The following INO80 variants were observed in gnomAD, a reference collection of about 807,000 sequenced individuals.
INO80 encodes the protein INO80 complex ATPase subunit, also known as chromatin-remodeling ATPase INO80.
In INO80, 20 loss-of-function variants were observed where a neutral mutation model predicts 203.4. The observed-to-expected ratio is 0.10, with a 90% confidence interval of 0.07 to 0.14. INO80 has a LOEUF of 0.14. INO80 is among the 10% of genes least tolerant of loss of function. The pLI is 1.00. For synonymous variants in INO80, 726 were observed against 685.2 expected, an observed-to-expected ratio of 1.06 and a Z score of -0.93; for missense variants, 1,419 against 1,914.4, an observed-to-expected ratio of 0.74 and a Z score of 4.83.
At chr15:41,045,256 C>T (rs1381306614) in intron 23 of INO80, among the ~76,000 whole-genome samples, 181 bp from the exon 24 acceptor site, 1 of 152,118 alleles carries the variant, frequency 6.6e-6, no homozygotes. Context: ...TGGTTTGCTA[C>T]TATGAAAACT....
chr15:40,992,881 C>G (rs536214767), intron 29 of INO80, among the ~76,000 whole-genome samples: 1 of 152,310 alleles, frequency 6.6e-6, no homozygotes, highest in African/African-American at 2.4e-5. Context: ...CAGTCTTGAC[C>G]TTCTGGGCCC....
intron 9 of INO80, among the ~76,000 whole-genome samples, chr15:41,076,353 C>CTG (rs1452824648): frequency 6.7e-6 from 1 of 149,796 alleles, no homozygotes; most frequent in Non-Finnish European, 1.5e-5. Context: ...GAGCAAGACT[C>CTG]TGTCTCAAAA....
intron 1 of INO80, among the ~76,000 whole-genome samples, chr15:41,110,347 G>C (rs897507875): frequency 6.6e-6 from 1 of 151,962 alleles, no homozygotes; most frequent in East Asian, 2.0e-4. Context: ...GTTTCACCAT[G>C]TTGGTCAGGA....
chr15:41,033,028 C>G (rs1409443394), intron 24 of INO80, among the ~76,000 whole-genome samples: 1 of 151,934 alleles, frequency 6.6e-6, no homozygotes, highest in Non-Finnish European at 1.5e-5. Context: ...ACAGAGACTC[C>G]GTCTCAACAA....
intron 24 of INO80, among the ~76,000 whole-genome samples, chr15:41,036,053 G>C (rs1471220441): frequency 1.3e-5 from 2 of 148,204 alleles, no homozygotes; most frequent in African/African-American, 5.0e-5. Flanking sequence ...TACTCAAGGA[G>C]GCTGAGGCAG....
rs2044472494 is a variant in INO80, at chr15:41,031,606, GAA to G, written c.2908-3872_2908-3871del. On this transcript the variant is annotated intron_variant, in intron 24 of 35. Transcript: ENST00000648947. ...GGGAGGAAGGGAGGGAGGGAGGGAG[GAA>G]GGGAGGAGGGAGGAAGGGAGGAAGG... Among the ~76,000 whole-genome samples, 3 of 4,498 alleles carry G rather than the reference GAA, an allele frequency of 6.7e-4. 1 individual carries two copies. Among genetic ancestry groups the G allele is most frequent in the African/African-American group, 1.6e-3 (3 of 1,922 alleles). 3.0% of individuals were successfully genotyped at this position (4,498 alleles called of 152,430 possible). A position where few individuals can be genotyped will look rare whatever the true frequency, so the allele number is the denominator to read the frequency against.
Position 41,002,145 on chromosome 15 carries a change from G to A in INO80, c.3497+3448C>T, listed in dbSNP as rs372506255. Among the ~76,000 whole-genome samples the A allele has an allele frequency of 3.3e-5, 5 of 152,286 alleles. No homozygotes were observed. The East Asian group carries it at 9.6e-4, about 29-fold the overall frequency. ...TCCATTTTGCCCAATATTAGACAGA[G>A]GGTGTTAAAATGATGGTTACCCAAA... is the stretch of plus-strand genomic sequence containing the variant. On this transcript the variant is annotated intron_variant, in intron 28 of 35. Coordinates refer to ENST00000648947, the MANE Select transcript of INO80 (RefSeq NM_017553.3).
At position 41,114,131 on chromosome 15, in the gene INO80, GT is replaced by G. The variant is rs2045994194; in HGVS notation, c.-44+1841del. 1.3e-5 allele frequency among the ~76,000 whole-genome samples: 2 copies of G among 152,016 alleles called. 1 individual carries two copies. Among genetic ancestry groups the G allele is most frequent in the South Asian group, 4.1e-4 (2 of 4,826 alleles). ...AAAATACAAAAATTAGCTGGGTGTG[GT>G]GGCGGGCGCCTGTAATACCAGCTAC... On this transcript the variant is annotated intron_variant, in intron 1 of 35. Transcript: ENST00000648947.
intron 25 of INO80, among the ~76,000 whole-genome samples, chr15:41,026,833 G>C (rs1046725663): frequency 6.6e-6 from 1 of 152,226 alleles, no homozygotes; most frequent in African/African-American, 2.4e-5. Flanking sequence ...GGATAAAAAA[G>C]AGGATGGAAG....
intron 16 of INO80, 34 bp from the exon 17 acceptor site, chr15:41,056,740 G>T: frequency 6.4e-7 from 1 of 1,569,506 alleles, no homozygotes; most frequent in Non-Finnish European, 8.8e-7. Flanking sequence ...ATTCATGTTA[G>T]CAATAAATTG....
Position 41,074,496 on chromosome 15 carries a change from G to A in INO80, c.1201C>T (p.Arg401Cys), listed in dbSNP as rs2045372749. The A allele has an allele frequency of 1.2e-6, 2 of 1,613,558 alleles. No individual in the cohort carries two copies. Among genetic ancestry groups the A allele is most frequent in the Admixed American group, 1.7e-5 (1 of 59,936 alleles). The change falls in exon 10 of 36, where the codon CGC becomes TGC. Residue 401 changes from arginine to cysteine, a missense_variant. Transcript: ENST00000648947. The part of the protein sequence containing the change: ...QTELYAHFMS[R>C]KRDMGHDGIQ... ...CCATCATGACCCATATCTCGTTTGC[G>A]ACTCATGAAATGGGCATACAACTCT...
At chr15:41,007,560 T>C (rs1205722560) in intron 27 of INO80, among the ~76,000 whole-genome samples, 2 of 152,032 alleles carry the variant, frequency 1.3e-5, no homozygotes, top group Non-Finnish European at 2.9e-5. Context: ...TTGCTGTTTA[T>C]ATATTTATAT....
At chr15:40,995,390 G>A (rs746552770) in intron 29 of INO80, among the ~76,000 whole-genome samples, 6 of 152,188 alleles carry the variant, frequency 3.9e-5, no homozygotes, top group Non-Finnish European at 5.9e-5. Context: ...ATATGGCATG[G>A]TGTGTTCAGG....
At chr15:40,982,484 C>T (rs1893868349) in intron 35 of INO80, among the ~76,000 whole-genome samples, 1 of 152,190 alleles carries the variant, frequency 6.6e-6, no homozygotes, top group African/African-American at 2.4e-5. Context: ...GCAGGTGCCT[C>T]ATATCTAGGT....
intron 13 of INO80, among the ~76,000 whole-genome samples, 169 bp from the exon 14 acceptor site, chr15:41,069,834 G>T (rs2045282815): frequency 6.6e-6 from 1 of 152,046 alleles, no homozygotes; most frequent in Non-Finnish European, 1.5e-5. Flanking sequence ...TTAATAATAA[G>T]AACATAAAGA....
At chr15:41,013,634 A>G (rs566995753) in intron 27 of INO80, among the ~76,000 whole-genome samples, 64 of 152,370 alleles carry the variant, frequency 4.2e-4, no homozygotes, top group African/African-American at 1.4e-3. Context: ...CCTGGAATAC[A>G]GAATGTGGTT....
At chr15:40,987,416 G>C (rs1401148206) in intron 30 of INO80, among the ~76,000 whole-genome samples, 5 of 152,036 alleles carry the variant, frequency 3.3e-5, no homozygotes, top group Non-Finnish European at 7.4e-5. Flanking sequence ...CTGCTAACTA[G>C]AAAATCTAAG....
intron 27 of INO80, among the ~76,000 whole-genome samples, chr15:41,015,120 A>G (rs2140456001): frequency 6.6e-6 from 1 of 152,332 alleles, no homozygotes; most frequent in Non-Finnish European, 1.5e-5. Flanking sequence ...CCCTTAAAAA[A>G]TAAGTCACCA....
intron 1 of INO80, among the ~76,000 whole-genome samples, chr15:41,103,393 G>A (rs1251574055): frequency 2.0e-5 from 3 of 151,928 alleles, no homozygotes; most frequent in Non-Finnish European, 4.4e-5. Context: ...CATCGTTCTT[G>A]TTTTATATTT....
Sources: gnomAD v4.1 joint callset for allele counts (sites outside exome capture counted in the v4.1 genomes callset) on GRCh38, gnomAD v4.1.1 for gene constraint, MANE v1.5 for transcripts, NCBI Gene and HGNC (gene_info 2026-07-23, HGNC 2026-07-21) for gene names.